TBX5: variants seen among roughly 807,000 people sequenced by gnomAD.
TBX5 encodes T-box transcription factor 5.
A neutral mutation model predicts 51.1 loss-of-function variants in TBX5; 8 were observed. The observed-to-expected ratio is 0.16, with a 90% CI of 0.09 to 0.28. TBX5 has a LOEUF of 0.28. Among genes scored for constraint, TBX5 ranks in the 10% least tolerant of loss-of-function variants. The pLI, the probability that TBX5 is intolerant of heterozygous loss-of-function variation, is 1.00. For missense variants in TBX5, 589 were observed against 671.7 expected (o/e 0.88, Z 1.36); for synonymous variants, 302 against 266.4 (o/e 1.13, Z -1.30).
At chr12:114,366,107 C>A (rs1420598262) in intron 8 of TBX5, 58 bp downstream of exon 8, 1 of 1,575,588 alleles carries the variant, frequency 6.3e-7, no homozygotes, top group South Asian at 1.1e-5. Context: ...TCACCCCCAA[C>A]CCAAGGAAAG....
chr12:114,368,930 C>G (rs990559069), intron 7 of TBX5, among the ~76,000 whole-genome samples: 1 of 152,078 alleles, frequency 6.6e-6, no homozygotes, highest in African/African-American at 2.4e-5. Flanking sequence ...AGAATCTCCC[C>G]CTGGGGCCAG....
intron 3 of TBX5, among the ~76,000 whole-genome samples, chr12:114,400,637 G>T (rs776805985): frequency 4.6e-5 from 7 of 152,196 alleles, no homozygotes; most frequent in Non-Finnish European, 1.0e-4. Context: ...GAGCGCGCCC[G>T]GAGGCGGAGG....
At chr12:114,400,711 G>A (rs1871756065) in intron 3 of TBX5, among the ~76,000 whole-genome samples, 1 of 152,218 alleles carries the variant, frequency 6.6e-6, no homozygotes. Flanking sequence ...GGGGAAAGAG[G>A]GACTCGGACG....
chr12:114,387,382 G>A (rs1259544571), intron 6 of TBX5, among the ~76,000 whole-genome samples: 1 of 152,116 alleles, frequency 6.6e-6, no homozygotes, highest in Non-Finnish European at 1.5e-5. Flanking sequence ...GTGCACCTAT[G>A]TGTATTCACC....
rs1231635306 is a variant in TBX5 at position 114,366,145 on chromosome 12, C to T, written c.982+20G>A. The T allele has an allele frequency of 6.2e-7, 1 of 1,612,446 alleles. No homozygotes were observed. Among genetic ancestry groups the T allele is most frequent in the South Asian group, 1.1e-5 (1 of 91,040 alleles). On this transcript the variant is annotated intron_variant, in intron 8 of 8. Coordinates refer to ENST00000405440, the MANE Select transcript of TBX5 (RefSeq NM_181486.4). ...AAAGGTAAGAAAGAAAGCAAATTGA[C>T]CAGGGGTGATCACACTCACCTTTCC...
At position 114,354,905 on chromosome 12, in the gene TBX5, C is replaced by A. The variant is rs1868787757; in HGVS notation, c.*627G>T. ...AGGACAAAACCAAAGCAAATGGGGA[C>A]ATACAGAGGCTTTTCAGAAACATCA... On this transcript the variant is annotated 3_prime_UTR_variant, in exon 9 of 9. Transcript: ENST00000405440. 1.3e-5 allele frequency: 2 copies of A among 158,904 alleles called. No individual in the cohort carries two copies. The highest frequency in any genetic ancestry group is 3.6e-4 in the South Asian group (2 of 5,498). The allele number at this position is 158,904 out of a possible 1,614,324, so 9.8% of individuals were successfully genotyped here. A position where few individuals can be genotyped will look rare whatever the true frequency, so the allele number is the denominator to read the frequency against.
intron 7 of TBX5, among the ~76,000 whole-genome samples, chr12:114,375,015 G>A (rs530450107): frequency 2.6e-5 from 4 of 152,282 alleles, no homozygotes; most frequent in African/African-American, 4.8e-5. Flanking sequence ...GGCACTCATC[G>A]TACAATTCTT....
chr12:114,386,238 T>A (rs529794529), intron 6 of TBX5, among the ~76,000 whole-genome samples: 29 of 152,310 alleles, frequency 1.9e-4, no homozygotes, highest in Admixed American at 6.5e-4. Flanking sequence ...TGTTGCAACA[T>A]ACAAGGCATA....
intron 6 of TBX5, among the ~76,000 whole-genome samples, chr12:114,388,883 C>T (rs1416611775): frequency 2.6e-5 from 4 of 151,434 alleles, no homozygotes; most frequent in Middle Eastern, 3.2e-3. Context: ...CACACCCAGC[C>T]CATTTTTGTT....
chr12:114,366,637 C>T (rs1869557118), intron 7 of TBX5, among the ~76,000 whole-genome samples: 1 of 152,178 alleles, frequency 6.6e-6, no homozygotes, highest in Admixed American at 6.5e-5. Context: ...TATACCTCAG[C>T]AGAAAAGTAA....
intron 8 of TBX5, among the ~76,000 whole-genome samples, chr12:114,361,771 T>C (rs568030674): frequency 1.3e-5 from 2 of 152,292 alleles, no homozygotes; most frequent in South Asian, 4.1e-4. Context: ...CCTCGGCTGA[T>C]TCCTTATCAC....
Position 114,394,727 on chromosome 12 carries a change from G to A in TBX5, c.663+14C>T, listed in dbSNP as rs1871327704. ...AGACGGCCCCAGGCACTGGTTCCTG[G>A]GCTTCAGGCTTACCTTGTGGTTCTG... On this transcript the variant is annotated intron_variant, in intron 6 of 8. Transcript: ENST00000405440. The A allele has an allele frequency of 1.2e-6, 2 of 1,613,868 alleles. No homozygotes were observed. The highest frequency in any genetic ancestry group is 1.7e-6 in the Non-Finnish European group (2 of 1,179,968).
At chr12:114,374,149 A>T (rs932258479) in intron 7 of TBX5, among the ~76,000 whole-genome samples, 22 of 152,348 alleles carry the variant, frequency 1.4e-4, no homozygotes, top group African/African-American at 5.0e-4. Context: ...TTTCTGAAGG[A>T]ATGATAAATG....
At position 114,398,735 on chromosome 12, in the gene TBX5, G is replaced by A. The variant is rs1464960330; in HGVS notation, c.363-15C>T. 1.3e-6 allele frequency: 2 copies of A among 1,593,530 alleles called. No homozygotes were observed. Among genetic ancestry groups the A allele is most frequent in the South Asian group, 2.3e-5 (2 of 87,764 alleles). Reference sequence around the variant, plus strand: ...CCGTCACAGACCTAGATGAAGGAGAGGTGTACTAGAGGCCTGGCTCAGAGT... The same window carrying A: ...CCGTCACAGACCTAGATGAAGGAGAAGTGTACTAGAGGCCTGGCTCAGAGT... On this transcript the variant is annotated splice_polypyrimidine_tract_variant and intron_variant, in intron 4 of 8. Transcript: ENST00000405440.
At chr12:114,390,651 A>G (rs1871101155) in intron 6 of TBX5, among the ~76,000 whole-genome samples, 1 of 152,116 alleles carries the variant, frequency 6.6e-6, no homozygotes, top group Non-Finnish European at 1.5e-5. Context: ...ATAAATATAG[A>G]CTCCTTACAC....
rs765947194 is a variant in TBX5 at position 114,399,505 on chromosome 12, G to C, written c.362+8C>G. 1 of 1,613,904 alleles carries C rather than the reference G, an allele frequency of 6.2e-7. No homozygotes were observed. Among genetic ancestry groups the C allele is most frequent in the Admixed American group, 1.7e-5 (1 of 59,982 alleles). ...TCTCCCCGCTCCACCTGCCACCCCA[G>C]TGCCTACCATTTATTATCTGCGAAT... is the stretch of plus-strand genomic sequence containing the variant. On this transcript the variant is annotated splice_region_variant and intron_variant, in intron 4 of 8. Coordinates refer to ENST00000405440, the MANE Select transcript of TBX5 (RefSeq NM_181486.4).
In TBX5 at chr12:114,403,926, A is replaced by G. The variant is rs1406535911; in HGVS notation, c.-28T>C. The G allele has an allele frequency of 6.2e-7, 1 of 1,606,816 alleles. No individual in the cohort carries two copies. The highest frequency in any genetic ancestry group is 8.5e-7 in the Non-Finnish European group (1 of 1,179,506). On this transcript the variant is annotated 5_prime_UTR_variant, in exon 2 of 9. Transcript: ENST00000405440. ...TGCGCCCAGGGCCCTGTGCCCGCGC[A>G]AGGTTCTGCTCTGAGGACAAGAAGC...
At position 114,399,502 on chromosome 12, in the gene TBX5, C is replaced by T. The variant is rs1871658536; in HGVS notation, c.362+11G>A. On this transcript the variant is annotated intron_variant, in intron 4 of 8. Transcript: ENST00000405440. ...CTCTCTCCCCGCTCCACCTGCCACC[C>T]CAGTGCCTACCATTTATTATCTGCG... The T allele has an allele frequency of 4.3e-6, 7 of 1,614,042 alleles. No homozygotes were observed. Among genetic ancestry groups the T allele is most frequent in the African/African-American group, 1.3e-5 (1 of 75,002 alleles).
intron 7 of TBX5, among the ~76,000 whole-genome samples, chr12:114,377,671 AG>A (rs1870272531): frequency 7.9e-6 from 1 of 126,450 alleles, no homozygotes. Flanking sequence ...CTCCTGTCTC[AG>A]CCTCCCAAAG....
Sources: gnomAD v4.1 joint callset for allele counts (sites outside exome capture counted in the v4.1 genomes callset) on GRCh38, gnomAD v4.1.1 for gene constraint, MANE v1.5 for transcripts, NCBI Gene and HGNC (gene_info 2026-07-23, HGNC 2026-07-21) for gene names.